ME1: variants seen among roughly 807,000 people sequenced by gnomAD.
ME1 encodes the protein NADP-dependent malic enzyme.
Under a neutral mutation model 66.4 loss-of-function variants are expected in ME1, and 74 were observed. That is an observed-to-expected ratio of 1.11 (90% confidence interval 0.92 to 1.35). The LOEUF is 1.35. ME1 is among the 40% of genes most tolerant of loss of function. The pLI is 0.00. For missense variants in ME1, 750 were observed against 694.1 expected, an observed-to-expected ratio of 1.08 and a Z score of -0.90; for synonymous variants, 251 against 235.6, an observed-to-expected ratio of 1.07 and a Z score of -0.60.
intron 13 of ME1, among the ~76,000 whole-genome samples, chr6:83,212,504 T>C (rs1789911409): frequency 6.6e-6 from 1 of 152,226 alleles, no homozygotes; most frequent in African/African-American, 2.4e-5. Flanking sequence ...AATCTCTTCC[T>C]GTACCCCAGG....
intron 3 of ME1, among the ~76,000 whole-genome samples, chr6:83,389,739 C>T (rs968926587): frequency 2.0e-5 from 3 of 151,720 alleles, no homozygotes; most frequent in Non-Finnish European, 2.9e-5. Flanking sequence ...TCACAAAATA[C>T]AGGTAACTTA....
At chr6:83,379,011 T>C (rs1390982183) in intron 3 of ME1, among the ~76,000 whole-genome samples, 1 of 152,192 alleles carries the variant, frequency 6.6e-6, no homozygotes, top group Non-Finnish European at 1.5e-5. Flanking sequence ...TTATTTATTA[T>C]AGAAATGCTC....
At chr6:83,416,821 G>C (rs117620781) in intron 1 of ME1, among the ~76,000 whole-genome samples, 2 of 151,400 alleles carry the variant, frequency 1.3e-5, no homozygotes, top group Non-Finnish European at 2.9e-5. Flanking sequence ...TCTTTGGCCC[G>C]GGAAGTCAAA....
intron 1 of ME1, among the ~76,000 whole-genome samples, chr6:83,416,649 G>T (rs1419254897): frequency 6.6e-6 from 1 of 152,128 alleles, no homozygotes; most frequent in Admixed American, 6.5e-5. Context: ...AGCAGTTTGG[G>T]AGGCCAAGGC....
rs543136818 is a variant in ME1 at position 83,371,512 on chromosome 6, C to T, written c.363-19373G>A. ...GAAAAACTGCTGTTTGTTCACAGGC[C>T]TTGTTGCCGGGTTTTTCCTTTTCAG... is the stretch of plus-strand genomic sequence containing the variant. On this transcript the variant is annotated intron_variant, in intron 3 of 13. Coordinates refer to ENST00000369705, the MANE Select transcript of ME1 (RefSeq NM_002395.6). Among the ~76,000 whole-genome samples, 9 of 152,280 alleles carry T rather than the reference C, an allele frequency of 5.9e-5. No homozygotes were observed. In the South Asian group the frequency reaches 1.9e-3, roughly 32 times the overall value.
At chr6:83,271,859 ACTT>A (rs1383628189) in intron 6 of ME1, among the ~76,000 whole-genome samples, 2 of 152,116 alleles carry the variant, frequency 1.3e-5, no homozygotes, top group African/African-American at 4.8e-5. Flanking sequence ...ATTTTTTATT[ACTT>A]TTTTTAAAAA....
chr6:83,362,775 C>T (rs1241904981), intron 3 of ME1, among the ~76,000 whole-genome samples: 4 of 152,198 alleles, frequency 2.6e-5, no homozygotes, highest in Non-Finnish European at 5.9e-5. Context: ...ATGCTTCTGC[C>T]AAGACTACCA....
At chr6:83,319,592 T>C (rs1457933712) in intron 5 of ME1, among the ~76,000 whole-genome samples, 2 of 152,160 alleles carry the variant, frequency 1.3e-5, no homozygotes, top group African/African-American at 4.8e-5. Context: ...GGAAGCAGAC[T>C]GAGAAAGTTA....
intron 1 of ME1, among the ~76,000 whole-genome samples, chr6:83,423,716 T>C (rs1313926108): frequency 6.6e-6 from 1 of 152,138 alleles, no homozygotes; most frequent in East Asian, 1.9e-4. Context: ...GGAGGATTGC[T>C]TGAGCCTTGA....
chr6:83,223,851 T>A lies in ME1; in HGVS notation c.1358A>T (p.Asn453Ile), dbSNP rs774491176. 11 of 1,613,872 alleles carry A rather than the reference T, an allele frequency of 6.8e-6. No individual in the cohort carries two copies. In the South Asian group the frequency reaches 1.2e-4, roughly 18 times the overall value. The change falls in exon 12 of 14, where the codon AAC becomes ATC. Residue 453 changes from asparagine (N) to isoleucine (I), a missense_variant. Coordinates refer to ENST00000369705, the MANE Select transcript of ME1 (RefSeq NM_002395.6). ...AACTCCAGGGAACACATAGGAATTG[T>A]TGCCTTGGCCAGGATATAGGGTCTG... ...NGQTLYPGQG[N>I]NSYVFPGVAL...
chr6:83,216,386 G>A, intron 13 of ME1, 112 bp downstream of exon 13: 1 of 777,316 alleles, frequency 1.3e-6, no homozygotes, highest in South Asian at 1.5e-5. Flanking sequence ...TTCTGACATA[G>A]TAAGTTGATA....
intron 6 of ME1, among the ~76,000 whole-genome samples, chr6:83,285,818 A>C (rs1279268552): frequency 1.3e-5 from 2 of 152,218 alleles, no homozygotes; most frequent in African/African-American, 4.8e-5. Flanking sequence ...AAAGATTATC[A>C]AACTGTTTTG....
intron 3 of ME1, among the ~76,000 whole-genome samples, chr6:83,380,132 T>C (rs1769368293): frequency 6.6e-6 from 1 of 152,046 alleles, no homozygotes; most frequent in African/African-American, 2.4e-5. Context: ...ACAGAGTTGC[T>C]ACCCTCAAGA....
intron 4 of ME1, among the ~76,000 whole-genome samples, chr6:83,351,180 A>C (rs1300393199): frequency 1.3e-5 from 2 of 152,096 alleles, no homozygotes; most frequent in African/African-American, 4.8e-5. Context: ...GGACTGCGTG[A>C]GGTCAGGAGT....
chr6:83,401,901 G>A (rs1769847711), intron 2 of ME1, among the ~76,000 whole-genome samples: 1 of 152,162 alleles, frequency 6.6e-6, no homozygotes, highest in Non-Finnish European at 1.5e-5. Context: ...ATTATGGGAA[G>A]GACAACTTTT....
chr6:83,372,822 CAT>C (rs1184757313), intron 3 of ME1, among the ~76,000 whole-genome samples: 1 of 152,102 alleles, frequency 6.6e-6, no homozygotes, highest in African/African-American at 2.4e-5. Flanking sequence ...GCAAAAGAAC[CAT>C]ATGTTGAAAA....
At chr6:83,288,346 G>C (rs746064282) in intron 6 of ME1, among the ~76,000 whole-genome samples, 1 of 152,092 alleles carries the variant, frequency 6.6e-6, no homozygotes, top group Non-Finnish European at 1.5e-5. Context: ...GCGTAAGGAA[G>C]GGGTCCAGTT....
intron 1 of ME1, among the ~76,000 whole-genome samples, chr6:83,423,119 T>C (rs901952994): frequency 6.6e-6 from 1 of 151,196 alleles, no homozygotes; most frequent in Non-Finnish European, 1.5e-5. Flanking sequence ...AAAACTGATG[T>C]ATTACAAACA....
At chr6:83,409,834 C>T (rs1166249136) in intron 1 of ME1, among the ~76,000 whole-genome samples, 1 of 152,192 alleles carries the variant, frequency 6.6e-6, no homozygotes, top group Non-Finnish European at 1.5e-5. Flanking sequence ...AGCAGCCATT[C>T]TCATAGCTGC....
Sources: gnomAD v4.1 joint callset for allele counts (sites outside exome capture counted in the v4.1 genomes callset) on GRCh38, gnomAD v4.1.1 for gene constraint, MANE v1.5 for transcripts, NCBI Gene and HGNC (gene_info 2026-07-23, HGNC 2026-07-21) for gene names.